SORCS1: variants seen among roughly 807,000 people sequenced by gnomAD.
The protein encoded by SORCS1 is VPS10 domain-containing receptor SorCS1.
A neutral mutation model predicts 146.1 loss-of-function variants in SORCS1; 60 were observed. That is an observed-to-expected ratio of 0.41 (90% CI 0.33 to 0.51). SORCS1 has a LOEUF of 0.51. Ranked by LOEUF, SORCS1 falls within the 20% of genes least tolerant of loss-of-function variation. SORCS1 has a pLI of 0.21. For synonymous variants in SORCS1, 637 were observed against 584.0 expected (o/e 1.09, Z -1.31); for missense variants, 1,352 against 1,487.6 (o/e 0.91, Z 1.50).
intron 1 of SORCS1, among the ~76,000 whole-genome samples, chr10:107,093,088 A>G (rs1964313269): frequency 6.6e-6 from 1 of 152,150 alleles, no homozygotes; most frequent in Non-Finnish European, 1.5e-5. Flanking sequence ...GGAATTCTTC[A>G]AGATTCCATT....
chr10:106,621,185 A>G (rs1322082596), intron 19 of SORCS1, among the ~76,000 whole-genome samples: 1 of 152,156 alleles, frequency 6.6e-6, no homozygotes, highest in Non-Finnish European at 1.5e-5. Flanking sequence ...ATGCTCACCT[A>G]AAATATAGAA....
chr10:106,793,566 A>G (rs1946414241), intron 3 of SORCS1, among the ~76,000 whole-genome samples: 1 of 152,166 alleles, frequency 6.6e-6, no homozygotes, highest in South Asian at 2.1e-4. Context: ...TAAAGACAAG[A>G]GAATGGGGGG....
At chr10:106,697,681 G>C (rs1038629942) in intron 9 of SORCS1, among the ~76,000 whole-genome samples, 3 of 152,048 alleles carry the variant, frequency 2.0e-5, no homozygotes, top group African/African-American at 2.4e-5. Flanking sequence ...TGCTTTGAAA[G>C]GATTAACTCA....
chr10:106,800,656 G>A (rs2136637129), intron 3 of SORCS1, among the ~76,000 whole-genome samples: 1 of 151,622 alleles, frequency 6.6e-6, no homozygotes, highest in Non-Finnish European at 1.5e-5. Context: ...CCAGCAGCTG[G>A]GACTACAGGC....
chr10:106,822,173 G>A (rs1053893567), intron 3 of SORCS1, among the ~76,000 whole-genome samples: 1 of 152,134 alleles, frequency 6.6e-6, no homozygotes. Context: ...TAGGTACTTA[G>A]TGTGTAATGT....
chr10:106,829,583 G>T lies in SORCS1; in HGVS notation c.717C>A (p.Asn239Lys). Residue 239 changes from asparagine (N) to lysine (K), a missense_variant, in exon 3 of 26, where the codon AAC becomes AAA. Transcript: ENST00000263054. The part of the protein sequence containing the change: ...ILSYLYVCPT[N>K]KRKIMLLTDP... ...AATATACATTTCTTACCTTACGCTT[G>T]TTGGTAGGACACACATAGAGATAGC... The T allele has an allele frequency of 6.3e-7, 1 of 1,591,440 alleles. No individual in the cohort carries two copies. Among genetic ancestry groups the T allele is most frequent in the Non-Finnish European group, 8.6e-7 (1 of 1,162,352 alleles).
At chr10:106,922,374 A>G (rs1183941576) in intron 2 of SORCS1, among the ~76,000 whole-genome samples, 1 of 152,246 alleles carries the variant, frequency 6.6e-6, no homozygotes, top group African/African-American at 2.4e-5. Flanking sequence ...GCACCTGGAT[A>G]GATCTTCTGT....
At chr10:106,803,312 A>G (rs1189378689) in intron 3 of SORCS1, among the ~76,000 whole-genome samples, 1 of 152,228 alleles carries the variant, frequency 6.6e-6, no homozygotes, top group Non-Finnish European at 1.5e-5. Flanking sequence ...TTTCCAAAGA[A>G]TAATATTTTG....
chr10:107,147,421 A>T (rs1485213752), intron 1 of SORCS1, among the ~76,000 whole-genome samples: 1 of 151,700 alleles, frequency 6.6e-6, no homozygotes, highest in African/African-American at 2.4e-5. Flanking sequence ...ATCAAAGTGC[A>T]CCCCTACCCT....
At position 107,164,382 on chromosome 10, in the gene SORCS1, A is replaced by C; in HGVS notation, c.145T>G (p.Ser49Ala). ...GAAAAGCCCCTAGGGGTCGAGGCCGAGCGTGGAGCGGAGCTGGGGTGCGGC... is the reference window on the plus strand; with the variant it reads ...GAAAAGCCCCTAGGGGTCGAGGCCGCGCGTGGAGCGGAGCTGGGGTGCGGC... ...PSPHPSSAPR[S>A]ASTPRGFSHQ... The change falls in exon 1 of 26, where the codon TCG (serine) becomes GCG (alanine). Residue 49 changes from serine to alanine, a missense_variant. This residue lies in a region of SORCS1 where 490 missense variants were observed against 489.1 expected (regional missense o/e 1.00). Transcript: ENST00000263054. This position sits in a 1 kb window ranked among gnomAD's most constrained non-coding sequence, Gnocchi z 6.8. 6.8e-7 allele frequency: 1 copy of C among 1,461,666 alleles called. No individual in the cohort carries two copies. The highest frequency in any genetic ancestry group is 1.4e-5 in the South Asian group (1 of 71,986). The allele number at this position is 1,461,666 out of a possible 1,614,324, so 90.5% of individuals were successfully genotyped here. A position where few individuals can be genotyped will look rare whatever the true frequency, so the allele number is the denominator to read the frequency against.
chr10:106,732,760 C>T (rs1156695386), intron 5 of SORCS1, among the ~76,000 whole-genome samples: 1 of 152,060 alleles, frequency 6.6e-6, no homozygotes, highest in Non-Finnish European at 1.5e-5. Flanking sequence ...TTTTAAAAAT[C>T]TTGTATTATC....
intron 9 of SORCS1, 125 bp downstream of exon 9, chr10:106,699,089 T>A (rs1853929980): frequency 1.3e-6 from 1 of 773,504 alleles, no homozygotes; most frequent in South Asian, 3.1e-5. Context: ...TCTTTCCATC[T>A]CCCAAGAGAA....
intron 3 of SORCS1, among the ~76,000 whole-genome samples, chr10:106,800,393 T>A (rs1946804900): frequency 6.6e-6 from 1 of 152,216 alleles, no homozygotes. Flanking sequence ...AACAGAACAT[T>A]TCTAGGATTG....
At position 106,797,879 on chromosome 10, in the gene SORCS1, TG is replaced by T. The variant is rs550081078; in HGVS notation, c.727-21188del. 3.7e-3 allele frequency among the ~76,000 whole-genome samples: 562 copies of T among 152,268 alleles called. 8 individuals are homozygous for T. Among genetic ancestry groups the T allele is most frequent in the African/African-American group, 0.013 (540 of 41,552 alleles). ...AAAATAACCACATAATCCTCTAAAA[TG>T]TTTTTAAAACTAACCGTAGGCAGAG... On this transcript the variant is annotated intron_variant, in intron 3 of 25. Transcript: ENST00000263054.
intron 13 of SORCS1, 94 bp downstream of exon 13, chr10:106,677,219 A>T: frequency 1.7e-6 from 2 of 1,197,752 alleles, no homozygotes; most frequent in Non-Finnish European, 2.4e-6. Flanking sequence ...GATTTACTAC[A>T]GAAACAGACA....
At chr10:106,653,438 T>C (rs1447771025) in intron 17 of SORCS1, among the ~76,000 whole-genome samples, 1 of 152,204 alleles carries the variant, frequency 6.6e-6, no homozygotes, top group African/African-American at 2.4e-5. Context: ...TTTCCACTCT[T>C]CTAGACCAGA....
intron 7 of SORCS1, 25 bp from the exon 8 acceptor site, chr10:106,706,659 A>G (rs757549181): frequency 2.5e-6 from 4 of 1,610,608 alleles, no homozygotes; most frequent in Non-Finnish European, 3.4e-6. Flanking sequence ...CAAGACTGTA[A>G]GAAGCTCGAG....
At chr10:106,878,560 G>C (rs1451295229) in intron 2 of SORCS1, among the ~76,000 whole-genome samples, 3 of 143,794 alleles carry the variant, frequency 2.1e-5, no homozygotes, top group Non-Finnish European at 3.0e-5. Context: ...CCAGTGCCTT[G>C]ATCTTAAACT....
At chr10:106,768,112 G>A (rs2136301521) in intron 4 of SORCS1, among the ~76,000 whole-genome samples, 1 of 152,268 alleles carries the variant, frequency 6.6e-6, no homozygotes, top group Non-Finnish European at 1.5e-5. Context: ...GCATATGATG[G>A]CATTTCAGCT....
Sources: allele counts gnomAD v4.1 joint callset (sites outside exome capture counted in the v4.1 genomes callset), GRCh38; gene constraint gnomAD v4.1.1; regional missense constraint gnomAD v4.1.1; non-coding constraint Gnocchi (gnomAD v3.1); transcripts MANE v1.5; gene names NCBI Gene and HGNC (gene_info 2026-07-23, HGNC 2026-07-21).